The following MAL variants were observed in gnomAD, a reference collection of about 807,000 sequenced individuals.
MAL encodes the protein mal, T cell differentiation protein (MAL blood group).
Under a neutral mutation model 16.7 loss-of-function variants are expected in MAL, and 5 were observed. The ratio of observed to expected loss-of-function variants is 0.30; its 90% CI spans 0.16 to 0.63. The LOEUF is 0.63. MAL is among the 30% of genes least tolerant of loss of function. The pLI is 0.82. For synonymous variants in MAL, 96 were observed against 85.5 expected (o/e 1.12, Z -0.67); for missense variants, 202 against 195.8 (o/e 1.03, Z -0.19).
chr2:95,039,328 C>G (rs1171231175), intron 1 of MAL, among the ~76,000 whole-genome samples: 456 of 82,586 alleles, frequency 5.5e-3, no homozygotes, highest in African/African-American at 6.6e-3. Flanking sequence ...GAGTGAGTGA[C>G]TGAGTGAGTG....
chr2:95,032,002 CAT>C (rs1211574822), intron 1 of MAL, among the ~76,000 whole-genome samples: 1 of 152,232 alleles, frequency 6.6e-6, no homozygotes, highest in Non-Finnish European at 1.5e-5. Context: ...GATTGTCAGA[CAT>C]GTGTCATCAC....
chr2:95,051,098 A>T (rs1573303275), intron 3 of MAL, among the ~76,000 whole-genome samples: 1 of 152,230 alleles, frequency 6.6e-6, no homozygotes, highest in East Asian at 1.9e-4. Flanking sequence ...TGATGGAAAA[A>T]CCCAGCTAGG....
intron 1 of MAL, among the ~76,000 whole-genome samples, chr2:95,039,192 GTGACTGAGTGAGTGAC>G (rs1674366733): frequency 1.4e-5 from 2 of 144,836 alleles, no homozygotes; most frequent in African/African-American, 2.5e-5. Context: ...GAGTGAGTGA[GTGACTGAGTGAGTGAC>G]TGAGTGAGTG....
chr2:95,030,645 G>A (rs1430679377), intron 1 of MAL, among the ~76,000 whole-genome samples: 1 of 152,194 alleles, frequency 6.6e-6, no homozygotes, highest in Non-Finnish European at 1.5e-5. Flanking sequence ...CATCTACTCA[G>A]CCCCCTCCTC....
At position 95,053,281 on chromosome 2, in the gene MAL, G is replaced by C. The variant is rs1337780300; in HGVS notation, c.388-100G>C. On this transcript the variant is annotated intron_variant, in intron 3 of 3. Coordinates refer to ENST00000309988, the MANE Select transcript of MAL (RefSeq NM_002371.4). The stretch of plus-strand genomic sequence containing the variant: ...AGCAATGACAGCCCAAGCTCTCTGG[G>C]TCTGGCCCCCCCTACGCCACGTGGG... 8.6e-6 allele frequency: 7 copies of C among 817,070 alleles called. No homozygotes were observed. In the East Asian group the frequency reaches 1.7e-4, roughly 20 times the overall value. The allele number at this position is 817,070 out of a possible 1,614,324, so 50.6% of individuals were successfully genotyped here.
chr2:95,049,725 G>A lies in MAL; in HGVS notation c.387+19G>A. 3 of 1,613,936 alleles carry A rather than the reference G, an allele frequency of 1.9e-6. No homozygotes were observed. The highest frequency in any genetic ancestry group is 2.5e-6 in the Non-Finnish European group (3 of 1,179,946). ...TGCCGTGGTGAGTCCGGGCACCTGG[G>A]GCTGTGTCCACAGCGGGCGGCTCCG... On this transcript the variant is annotated intron_variant, in intron 3 of 3. Transcript: ENST00000309988.
chr2:95,039,352 C>G (rs62637956), intron 1 of MAL, among the ~76,000 whole-genome samples: 103,544 of 137,114 alleles, frequency 0.76, 38,432 homozygotes, highest in African/African-American at 0.83. Context: ...GAGTGAGTGA[C>G]TGACTGACTG....
At chr2:95,041,653 G>C (rs1337411966) in intron 1 of MAL, among the ~76,000 whole-genome samples, 1 of 152,134 alleles carries the variant, frequency 6.6e-6, no homozygotes, top group Non-Finnish European at 1.5e-5. Flanking sequence ...CACCCAGCTA[G>C]TGACACAGCT....
intron 2 of MAL, 118 bp from the exon 3 acceptor site, chr2:95,049,463 G>C: frequency 1.5e-6 from 2 of 1,321,254 alleles, no homozygotes; most frequent in Non-Finnish European, 2.1e-6. Context: ...GGTTGGGAGG[G>C]GTGGGATTCA....
At chr2:95,026,709 C>G (rs1187188587) in intron 1 of MAL, 2 of 152,222 alleles carry the variant, frequency 1.3e-5, no homozygotes, top group African/African-American at 4.8e-5. Context: ...TCAGCCTCAA[C>G]TCCCCGGGGG....
At chr2:95,035,019 A>G (rs1186520664) in intron 1 of MAL, among the ~76,000 whole-genome samples, 1 of 152,128 alleles carries the variant, frequency 6.6e-6, no homozygotes, top group South Asian at 2.1e-4. Flanking sequence ...TCTCTCACCT[A>G]CCTAACACTG....
At chr2:95,028,019 CA>C (rs2104325055) in intron 1 of MAL, among the ~76,000 whole-genome samples, 1 of 152,092 alleles carries the variant, frequency 6.6e-6, no homozygotes, top group African/African-American at 2.4e-5. Context: ...ATTGAAACCA[CA>C]ATGAGGCCAG....
At chr2:95,029,140 A>G (rs1478333878) in intron 1 of MAL, among the ~76,000 whole-genome samples, 3 of 152,236 alleles carry the variant, frequency 2.0e-5, no homozygotes, top group African/African-American at 7.2e-5. Flanking sequence ...CTACATAATT[A>G]TTGCCCAACT....
Position 95,053,773 on chromosome 2 carries a change from A to G in MAL, c.*318A>G. On this transcript the variant is annotated 3_prime_UTR_variant, in exon 4 of 4. Coordinates refer to ENST00000309988, the MANE Select transcript of MAL (RefSeq NM_002371.4). The stretch of plus-strand genomic sequence containing the variant: ...AAGTGGCGACCGTGACCTGAGAAGG[A>G]AAGAAAGATCCTCTGCTGACCCCTG... 3.0e-6 allele frequency: 1 copy of G among 337,164 alleles called. No homozygotes were observed. The highest frequency in any genetic ancestry group is 5.6e-6 in the Non-Finnish European group (1 of 180,112). 20.9% of individuals were successfully genotyped at this position (337,164 alleles called of 1,614,324 possible).
chr2:95,049,770 G>A, intron 3 of MAL, 64 bp downstream of exon 3: 10 of 1,601,870 alleles, frequency 6.2e-6, no homozygotes, highest in Non-Finnish European at 8.5e-6. Context: ...GGGTGTGTGT[G>A]GAGGCTGCCT....
chr2:95,028,908 T>C (rs1226112888), intron 1 of MAL, among the ~76,000 whole-genome samples: 1 of 152,072 alleles, frequency 6.6e-6, no homozygotes, highest in South Asian at 2.1e-4. Flanking sequence ...AGGGGAGCAA[T>C]TGTTTAATCG....
intron 1 of MAL, among the ~76,000 whole-genome samples, chr2:95,044,825 G>A (rs569997111): frequency 6.6e-6 from 1 of 152,320 alleles, no homozygotes; most frequent in Non-Finnish European, 1.5e-5. Context: ...AGCCAGCAAG[G>A]TGCACACAGG....
chr2:95,040,639 G>T (rs1210247429), intron 1 of MAL, among the ~76,000 whole-genome samples: 11 of 152,184 alleles, frequency 7.2e-5, no homozygotes, highest in African/African-American at 2.7e-4. Context: ...CCAGAAACAT[G>T]AGTGGGGGGT....
intron 1 of MAL, among the ~76,000 whole-genome samples, chr2:95,038,240 G>GTGAC (rs1674303949): frequency 7.7e-5 from 1 of 13,054 alleles, no homozygotes; most frequent in Non-Finnish European, 1.3e-4. Context: ...GAGTGACTGA[G>GTGAC]TGTGTGAGTG....
Sources: allele counts gnomAD v4.1 joint callset (sites outside exome capture counted in the v4.1 genomes callset), GRCh38; gene constraint gnomAD v4.1.1; transcripts MANE v1.5; gene names NCBI Gene and HGNC (gene_info 2026-07-23, HGNC 2026-07-21).